Variants in AQP9 observed in about 807,000 individuals in gnomAD.
AQP9 encodes aquaporin-9.
AQP9 carries 19 observed loss-of-function variants against 23.8 expected under a neutral mutation model. The ratio of observed to expected loss-of-function variants is 0.80; its 90% CI spans 0.56 to 1.17. The LOEUF (loss-of-function observed/expected upper bound fraction) is 1.17, where lower values mean the gene tolerates loss of function less well. Ranked by LOEUF, AQP9 falls within the 50% of genes most tolerant of loss-of-function variation. AQP9 has a pLI of 0.00. For synonymous variants in AQP9, 153 were observed against 131.5 expected (o/e 1.16, Z -1.12); for missense variants, 413 against 362.0 (o/e 1.14, Z -1.14).
intron 4 of AQP9, among the ~76,000 whole-genome samples, chr15:58,178,715 G>C (rs932341737): frequency 1.2e-4 from 19 of 152,108 alleles, no homozygotes; most frequent in African/African-American, 4.6e-4. Flanking sequence ...CTCATCTATT[G>C]ATATCTCACA....
Position 58,185,258 on chromosome 15 carries a change from A to T in AQP9, c.*1123A>T, listed in dbSNP as rs1898998505. ...TGTCCAAGAGCACACTGAAAGTTGAATGTTATCTAATGCATTCCTCTACCT... is the reference window on the plus strand; with the variant it reads ...TGTCCAAGAGCACACTGAAAGTTGATTGTTATCTAATGCATTCCTCTACCT... On this transcript the variant is annotated 3_prime_UTR_variant, in exon 6 of 6. Coordinates refer to ENST00000219919, the MANE Select transcript of AQP9 (RefSeq NM_020980.5). The T allele has an allele frequency of 5.2e-5, 8 of 152,676 alleles. No homozygotes were observed. 9.5% of individuals were successfully genotyped at this position (152,676 alleles called of 1,614,324 possible).
chr15:58,173,252 T>C lies in AQP9; in HGVS notation c.376+47T>C, dbSNP rs181541688. ...TAAGGTTAGGAAGAGCTGGGCATAATTTGAAAGTCAGAATTACTTGGTAGG... is the reference window on the plus strand; with the variant it reads ...TAAGGTTAGGAAGAGCTGGGCATAACTTGAAAGTCAGAATTACTTGGTAGG... On this transcript the variant is annotated intron_variant, in intron 3 of 5. Coordinates refer to ENST00000219919, the MANE Select transcript of AQP9 (RefSeq NM_020980.5). 6.4e-5 allele frequency: 103 copies of C among 1,606,966 alleles called. No individual in the cohort carries two copies. The East Asian group carries it at 1.9e-3, about 29-fold the overall frequency.
chr15:58,154,319 CT>C (rs1898205062), intron 1 of AQP9: 1 of 152,102 alleles, frequency 6.6e-6, no homozygotes, highest in African/African-American at 2.4e-5. Context: ...ATTACCATAC[CT>C]GCCCCAAAAG....
At chr15:58,162,941 G>T (rs978033008) in intron 1 of AQP9, among the ~76,000 whole-genome samples, 3 of 152,182 alleles carry the variant, frequency 2.0e-5, no homozygotes, top group Non-Finnish European at 4.4e-5. Flanking sequence ...AAGCCACTAA[G>T]TTTGGGGGTG....
intron 1 of AQP9, among the ~76,000 whole-genome samples, chr15:58,158,855 T>A (rs927368896): frequency 2.6e-5 from 4 of 152,206 alleles, no homozygotes; most frequent in African/African-American, 9.6e-5. Context: ...TGGTGGTCCC[T>A]GGCCCCAGGT....
At chr15:58,150,312 A>G (rs1049880769) in intron 1 of AQP9, 1 of 152,578 alleles carries the variant, frequency 6.6e-6, no homozygotes, top group Non-Finnish European at 1.5e-5. Flanking sequence ...ACCCTCCTAC[A>G]AGTTTCAGAA....
Position 58,184,201 on chromosome 15 carries a change from T to C in AQP9, c.*66T>C, listed in dbSNP as rs752343190. The C allele has an allele frequency of 1.2e-5, 18 of 1,536,702 alleles. 1 individual carries two copies. In the Admixed American group the frequency reaches 1.8e-4, roughly 15 times the overall value. The stretch of plus-strand genomic sequence containing the variant: ...TCTTCAGAAAGATGGCATCTAAGTG[T>C]CTGTGTTCTTGTAAGCCTGAGGTGG... On this transcript the variant is annotated 3_prime_UTR_variant, in exon 6 of 6. Transcript: ENST00000219919.
chr15:58,165,511 G>C (rs573790161), intron 1 of AQP9, among the ~76,000 whole-genome samples: 2 of 152,268 alleles, frequency 1.3e-5, no homozygotes, highest in Admixed American at 1.3e-4. Flanking sequence ...TTCATGGAGA[G>C]AGATCATGTA....
Position 58,138,421 on chromosome 15 carries a change from G to A in AQP9, c.-145G>A, listed in dbSNP as rs1459109951. On this transcript the variant is annotated 5_prime_UTR_variant, in exon 1 of 6. Coordinates refer to ENST00000219919, the MANE Select transcript of AQP9 (RefSeq NM_020980.5). ...TAAGCCACAGCCTCTAATTGGAACG[G>A]CATTTGTACAGTCAGAGACTCTTAC... is the stretch of plus-strand genomic sequence containing the variant. The A allele has an allele frequency of 8.4e-5, 51 of 609,546 alleles. No individual in the cohort carries two copies. Among genetic ancestry groups the A allele is most frequent in the Non-Finnish European group, 1.1e-4 (38 of 343,126 alleles). The allele number at this position is 609,546 out of a possible 1,614,324, so 37.8% of individuals were successfully genotyped here.
intron 5 of AQP9, among the ~76,000 whole-genome samples, chr15:58,180,793 G>C (rs1205688212): frequency 1.3e-5 from 2 of 152,128 alleles, no homozygotes. Flanking sequence ...CAATGCACAC[G>C]GCACACCTCC....
At chr15:58,157,101 T>C (rs1327254058) in intron 1 of AQP9, among the ~76,000 whole-genome samples, 1 of 152,224 alleles carries the variant, frequency 6.6e-6, no homozygotes, top group Admixed American at 6.5e-5. Context: ...GCTCTTTTAA[T>C]GCTTACTTCT....
Position 58,173,125 on chromosome 15 carries a change from G to C in AQP9, c.296G>C (p.Trp99Ser), listed in dbSNP as rs200885186. Residue 99 changes from tryptophan to serine, a missense_variant, in exon 3 of 6, where the codon TGG (tryptophan) becomes TCG (serine). Physicochemically the swap from Trp to Ser is radical, Grantham distance 177. Transcript: ENST00000219919. ...ATGTGTCTCTTTGGACGGATGAAATGGTTCAAATTGCCATTTTATGTGGGA... is the reference window on the plus strand; with the variant it reads ...ATGTGTCTCTTTGGACGGATGAAATCGTTCAAATTGCCATTTTATGTGGGA... ...LAMCLFGRMKWFKLPFYVGAQ... is the reference protein window; with the variant it reads ...LAMCLFGRMKSFKLPFYVGAQ... 6.2e-7 allele frequency: 1 copy of C among 1,614,172 alleles called. No individual in the cohort carries two copies. The highest frequency in any genetic ancestry group is 8.5e-7 in the Non-Finnish European group (1 of 1,180,024).
intron 5 of AQP9, among the ~76,000 whole-genome samples, chr15:58,183,177 C>T (rs1898930826): frequency 2.0e-5 from 3 of 152,246 alleles, no homozygotes; most frequent in South Asian, 4.2e-4. Flanking sequence ...CATTCCCCTG[C>T]TTTTTAAAAA....
intron 4 of AQP9, among the ~76,000 whole-genome samples, chr15:58,178,520 T>A (rs1250743417): frequency 6.6e-6 from 1 of 152,200 alleles, no homozygotes; most frequent in Non-Finnish European, 1.5e-5. Flanking sequence ...ATTGCTAAAT[T>A]ATTGCTGAAT....
intron 1 of AQP9, among the ~76,000 whole-genome samples, chr15:58,140,197 CTTTTTT>C (rs67540225): frequency 7.6e-6 from 1 of 131,660 alleles, no homozygotes; most frequent in Non-Finnish European, 1.7e-5. Context: ...AACTACACAT[CTTTTTT>C]TTTTTTTTTT....
chr15:58,154,932 T>G (rs1898219472), intron 1 of AQP9: 1 of 152,252 alleles, frequency 6.6e-6, no homozygotes, highest in African/African-American at 2.4e-5. Context: ...TGAAAAACCA[T>G]CATTGTATTT....
At chr15:58,161,100 G>A (rs1898372009) in intron 1 of AQP9, among the ~76,000 whole-genome samples, 1 of 152,082 alleles carries the variant, frequency 6.6e-6, no homozygotes, top group Non-Finnish European at 1.5e-5. Context: ...GGTGGTGTGT[G>A]GTGCTTCATC....
chr15:58,163,428 A>AT (rs1197065322), intron 1 of AQP9, among the ~76,000 whole-genome samples: 1 of 73,464 alleles, frequency 1.4e-5, no homozygotes, highest in African/African-American at 4.8e-5. Context: ...ATTACAGACC[A>AT]TGATACATTA....
chr15:58,164,757 TCTG>T (rs755627659), intron 1 of AQP9, among the ~76,000 whole-genome samples: 6 of 152,186 alleles, frequency 3.9e-5, no homozygotes, highest in Non-Finnish European at 5.9e-5. Context: ...ACGTAATTTC[TCTG>T]CTGTCAGAGA....
Sources: allele counts gnomAD v4.1 joint callset (sites outside exome capture counted in the v4.1 genomes callset), GRCh38; gene constraint gnomAD v4.1.1; transcripts MANE v1.5; gene names NCBI Gene and HGNC (gene_info 2026-07-23, HGNC 2026-07-21).